STAU2: variants seen among roughly 807,000 people sequenced by gnomAD.
STAU2 encodes staufen double-stranded RNA binding protein 2.
In STAU2, 20 loss-of-function variants were observed where a neutral mutation model predicts 65.9. The ratio of observed to expected loss-of-function variants is 0.30; its 90% CI spans 0.21 to 0.44. The LOEUF (loss-of-function observed/expected upper bound fraction) is 0.44, where lower values mean the gene tolerates loss of function less well. Among genes scored for constraint, STAU2 ranks in the 20% least tolerant of loss-of-function variants. STAU2 has a pLI of 1.00. For synonymous variants in STAU2, 232 were observed against 233.9 expected, an observed-to-expected ratio of 0.99 and a Z score of 0.07; for missense variants, 558 against 683.9, an observed-to-expected ratio of 0.82 and a Z score of 2.05.
chr8:73,680,376 C>T (rs902129360), intron 5 of STAU2, among the ~76,000 whole-genome samples: 1 of 152,100 alleles, frequency 6.6e-6, no homozygotes, highest in African/African-American at 2.4e-5. Flanking sequence ...AAATAACCAT[C>T]GCTGCAGTTC....
At chr8:73,738,398 A>C (rs1209107354) in intron 2 of STAU2, 49 bp from the exon 3 acceptor site, 37 of 1,341,138 alleles carry the variant, frequency 2.8e-5, no homozygotes, top group Non-Finnish European at 3.4e-5. Context: ...TGATAACCTC[A>C]ATGACTGGTA....
chr8:73,669,048 G>A (rs1456860730), intron 6 of STAU2: 2 of 553,774 alleles, frequency 3.6e-6, no homozygotes, highest in Admixed American at 2.9e-5. Context: ...GTTCTGACAA[G>A]GAAAAGACAT....
chr8:73,710,960 A>G (rs923121097), intron 3 of STAU2, among the ~76,000 whole-genome samples: 1 of 151,802 alleles, frequency 6.6e-6, no homozygotes, highest in African/African-American at 2.4e-5. Context: ...AACAGGCCCA[A>G]TAATTTGTAC....
At chr8:73,538,038 T>C (rs2128936290) in intron 13 of STAU2, among the ~76,000 whole-genome samples, 1 of 152,296 alleles carries the variant, frequency 6.6e-6, no homozygotes, top group South Asian at 2.1e-4. Flanking sequence ...AAGTAACTGA[T>C]TTTCTTCAAA....
At chr8:73,535,824 T>C (rs1172028891) in intron 13 of STAU2, among the ~76,000 whole-genome samples, 3 of 152,228 alleles carry the variant, frequency 2.0e-5, no homozygotes, top group Non-Finnish European at 2.9e-5. Flanking sequence ...ATCAAACTAA[T>C]ACAAACTCTT....
chr8:73,671,632 C>T (rs750743907), intron 6 of STAU2, among the ~76,000 whole-genome samples: 2 of 151,952 alleles, frequency 1.3e-5, no homozygotes, highest in Non-Finnish European at 2.9e-5. Flanking sequence ...TTTACTGCAG[C>T]AATCTTAACA....
At chr8:73,727,663 A>G (rs2128007) in intron 3 of STAU2, 132,828 of 151,968 alleles carry the variant, frequency 0.87, 58,364 homozygotes, top group East Asian at 0.97. Context: ...TGCAAATAGT[A>G]ATGCTATGAA....
chr8:73,613,678 G>T, intron 9 of STAU2, 66 bp downstream of exon 9: 1 of 1,248,024 alleles, frequency 8.0e-7, no homozygotes, highest in Non-Finnish European at 1.1e-6. Flanking sequence ...ATAGAAAAAT[G>T]CTTATCTATA....
At chr8:73,506,880 G>C (rs1429379787) in intron 13 of STAU2, among the ~76,000 whole-genome samples, 2 of 152,160 alleles carry the variant, frequency 1.3e-5, no homozygotes, top group African/African-American at 4.8e-5. Flanking sequence ...CACACTCACA[G>C]TATCTTCACC....
At chr8:73,602,709 C>T (rs1364392769) in intron 10 of STAU2, among the ~76,000 whole-genome samples, 3 of 133,768 alleles carry the variant, frequency 2.2e-5, no homozygotes, top group Admixed American at 7.9e-5. Flanking sequence ...GCTGACAGAA[C>T]AAGACCCTGT....
chr8:73,647,126 G>A (rs1301296378), intron 6 of STAU2, among the ~76,000 whole-genome samples: 2 of 152,174 alleles, frequency 1.3e-5, no homozygotes, highest in Non-Finnish European at 2.9e-5. Flanking sequence ...ATACATTCCT[G>A]ATTGTGATGC....
chr8:73,699,871 A>AAAAAC lies in STAU2; in HGVS notation c.114+9160_114+9161insGTTTT, dbSNP rs1455968658. ...AACCAAACACACATCAAAAAAAAAAAAAAAAAAACCTACAGACCAATACCT... is the reference window on the plus strand; with the variant it reads ...AACCAAACACACATCAAAAAAAAAAAAAAACAAAAAAAACCTACAGACCAATACCT... On this transcript the variant is annotated intron_variant, in intron 4 of 14. Coordinates refer to ENST00000524300, the MANE Select transcript of STAU2 (RefSeq NM_001164380.2). Among the ~76,000 whole-genome samples the AAAAAC allele has an allele frequency of 1.6e-4, 24 of 151,648 alleles. 1 individual carries two copies. The highest frequency in any genetic ancestry group is 5.3e-4 in the African/African-American group (22 of 41,348).
chr8:73,643,222 G>T (rs192831235), intron 6 of STAU2, among the ~76,000 whole-genome samples: 4 of 152,296 alleles, frequency 2.6e-5, no homozygotes, highest in African/African-American at 7.2e-5. Context: ...GAATAGACAT[G>T]AAATTCCAAT....
chr8:73,729,608 C>T (rs1805903068), intron 3 of STAU2, among the ~76,000 whole-genome samples: 1 of 152,050 alleles, frequency 6.6e-6, no homozygotes, highest in Admixed American at 6.6e-5. Flanking sequence ...GAGATAGGGT[C>T]TCACTCTATC....
chr8:73,556,016 T>G (rs1034872617), intron 12 of STAU2, among the ~76,000 whole-genome samples: 16 of 152,360 alleles, frequency 1.1e-4, no homozygotes, highest in Admixed American at 6.5e-4. Context: ...GACATTACTT[T>G]CAACATTTTG....
intron 5 of STAU2, among the ~76,000 whole-genome samples, chr8:73,679,921 A>G (rs1171069169): frequency 1.4e-5 from 2 of 146,132 alleles, no homozygotes; most frequent in Non-Finnish European, 1.5e-5. Context: ...AAAAACAAAA[A>G]CTAGAAGCAG....
intron 13 of STAU2, among the ~76,000 whole-genome samples, chr8:73,547,663 A>C (rs1265287177): frequency 6.6e-6 from 1 of 152,202 alleles, no homozygotes; most frequent in African/African-American, 2.4e-5. Flanking sequence ...AGAATTTTTA[A>C]GATTTTAATG....
intron 13 of STAU2, among the ~76,000 whole-genome samples, chr8:73,462,660 G>A (rs1156468654): frequency 6.6e-6 from 1 of 152,034 alleles, no homozygotes; most frequent in African/African-American, 2.4e-5. Flanking sequence ...GCCTCCCAAG[G>A]TGCTGGGATT....
chr8:73,645,501 CTGAATG>C (rs781694747), intron 6 of STAU2, among the ~76,000 whole-genome samples: 8 of 151,614 alleles, frequency 5.3e-5, no homozygotes, highest in Non-Finnish European at 8.8e-5. Flanking sequence ...TGGTGAAAGA[CTGAATG>C]TTTTGTACAT....
Sources: gnomAD v4.1 joint callset for allele counts (sites outside exome capture counted in the v4.1 genomes callset) on GRCh38, gnomAD v4.1.1 for gene constraint, MANE v1.5 for transcripts, NCBI Gene and HGNC (gene_info 2026-07-23, HGNC 2026-07-21) for gene names.